The following FAM222B variants were observed in gnomAD, a reference collection of about 807,000 sequenced individuals.
FAM222B encodes protein FAM222B.
In FAM222B, 12 loss-of-function variants were observed where a neutral mutation model predicts 38.0. The observed-to-expected ratio is 0.32, with a 90% CI of 0.20 to 0.51. The LOEUF is 0.51. FAM222B is among the 20% of genes least tolerant of loss of function. FAM222B has a pLI of 0.97. For synonymous variants in FAM222B, 329 were observed against 317.2 expected, an observed-to-expected ratio of 1.04 and a Z score of -0.40; for missense variants, 716 against 754.2, an observed-to-expected ratio of 0.95 and a Z score of 0.59.
At chr17:28,834,794 T>C (rs528306929) in intron 1 of FAM222B, 1 of 151,876 alleles carries the variant, frequency 6.6e-6, no homozygotes, top group East Asian at 1.9e-4. Context: ...TGCTTCTTCA[T>C]TCCCACTGCT....
chr17:28,757,319 G>A lies in FAM222B; in HGVS notation c.*951C>T, dbSNP rs1034748097. On this transcript the variant is annotated 3_prime_UTR_variant, in exon 3 of 3. Transcript: ENST00000581407. ...CACTACATTCATACAGAAACGTAAC[G>A]TTTAAAACTTACAGTGTAGAGCAAT... The A allele has an allele frequency of 9.9e-5, 15 of 152,278 alleles. No individual in the cohort carries two copies. The highest frequency in any genetic ancestry group is 4.4e-5 in the Non-Finnish European group (3 of 68,012). 9.4% of individuals were successfully genotyped at this position (152,278 alleles called of 1,614,324 possible).
chr17:28,830,384 T>G (rs1221331460), intron 1 of FAM222B, among the ~76,000 whole-genome samples: 1 of 151,604 alleles, frequency 6.6e-6, no homozygotes, highest in Non-Finnish European at 1.5e-5. Flanking sequence ...ATGGTCTTGA[T>G]CTCCCAACCT....
intron 1 of FAM222B, among the ~76,000 whole-genome samples, chr17:28,850,902 C>G (rs1168906628): frequency 6.6e-6 from 1 of 151,968 alleles, no homozygotes; most frequent in East Asian, 1.9e-4. Context: ...GGGCAAATCA[C>G]AAGGTTAGGA....
chr17:28,786,388 C>A (rs972505316), intron 1 of FAM222B, among the ~76,000 whole-genome samples: 2 of 152,058 alleles, frequency 1.3e-5, no homozygotes, highest in Non-Finnish European at 2.9e-5. Flanking sequence ...ACTTTTATTC[C>A]CCCAGGGGAG....
At position 28,766,579 on chromosome 17, in the gene FAM222B, T is replaced by G. The variant is rs751365896; in HGVS notation, c.82+7A>C. 3.8e-6 allele frequency: 6 copies of G among 1,588,756 alleles called. No individual in the cohort carries two copies. The highest frequency in any genetic ancestry group is 1.1e-5 in the South Asian group (1 of 87,104). ...CACACATGCTCCATAGGATCCAGAT[T>G]ACTTACATTTCTGAAGTCCAGTGTT... On this transcript the variant is annotated splice_region_variant and intron_variant, in intron 2 of 2. Transcript: ENST00000581407.
At chr17:28,765,271 T>A (rs921073193) in intron 2 of FAM222B, among the ~76,000 whole-genome samples, 1 of 152,226 alleles carries the variant, frequency 6.6e-6, no homozygotes, top group African/African-American at 2.4e-5. Flanking sequence ...TGGCAGGGGC[T>A]GGCAAACGAC....
chr17:28,845,712 G>A (rs1290584057), upstream of FAM222B, among the ~76,000 whole-genome samples: 4 of 151,436 alleles, frequency 2.6e-5, no homozygotes, highest in African/African-American at 2.4e-5. Context: ...TGGCTAACAC[G>A]GTGAAACCCC....
chr17:28,832,818 T>C (rs984195394), intron 1 of FAM222B, among the ~76,000 whole-genome samples: 3 of 151,898 alleles, frequency 2.0e-5, no homozygotes, highest in African/African-American at 7.3e-5. Flanking sequence ...AAATAGGATG[T>C]CCTACCTTGC....
At chr17:28,780,185 T>C (rs907180868) in intron 1 of FAM222B, among the ~76,000 whole-genome samples, 9 of 152,044 alleles carry the variant, frequency 5.9e-5, no homozygotes, top group African/African-American at 1.9e-4. Context: ...CTGGCCAGGA[T>C]GGTCTCGATC....
At chr17:28,770,239 C>A (rs1334174692) in intron 1 of FAM222B, among the ~76,000 whole-genome samples, 1 of 152,182 alleles carries the variant, frequency 6.6e-6, no homozygotes, top group Non-Finnish European at 1.5e-5. Flanking sequence ...CTAACACTTA[C>A]GAGGCTCTCC....
At chr17:28,814,596 A>G in intron 1 of FAM222B, among the ~76,000 whole-genome samples, 1 of 152,002 alleles carries the variant, frequency 6.6e-6, no homozygotes, top group East Asian at 1.9e-4. Context: ...CCTCCCAAGT[A>G]GCTGAAATTA....
Position 28,759,615 on chromosome 17 carries a change from T to C in FAM222B, c.344A>G (p.Asp115Gly), listed in dbSNP as rs1368946412. The change falls in exon 3 of 3, where the codon GAC (aspartate) becomes GGC (glycine). Residue 115 changes from aspartate (D) to glycine (G), a missense_variant. By Grantham distance (94) the Asp-to-Gly change is moderately conservative. Transcript: ENST00000581407. This position sits in a 1 kb window ranked among gnomAD's most constrained non-coding sequence, Gnocchi z 4.8. ...CAACCGGGCTCGGGTGCCGTCAAAG[T>C]CCTTGAGTATGCTTTTGGCTGGCAC... ...VKVPAKSILKDFDGTRARLLP... is the reference protein window; with the variant it reads ...VKVPAKSILKGFDGTRARLLP... The C allele has an allele frequency of 1.1e-5, 18 of 1,612,794 alleles. No homozygotes were observed. In the Admixed American group the frequency reaches 3.0e-4, roughly 27 times the overall value.
chr17:28,839,242 A>C (rs2038953925), intron 1 of FAM222B, among the ~76,000 whole-genome samples: 1 of 152,062 alleles, frequency 6.6e-6, no homozygotes, highest in Non-Finnish European at 1.5e-5. Context: ...AAGCCAATAA[A>C]TATTTATTTT....
At chr17:28,833,568 G>A (rs1172587988) in intron 1 of FAM222B, among the ~76,000 whole-genome samples, 5 of 144,500 alleles carry the variant, frequency 3.5e-5, no homozygotes, top group East Asian at 2.0e-4. Flanking sequence ...AGCTGAGATC[G>A]TGCCACTGTA....
chr17:28,824,603 A>G (rs868382032), intron 1 of FAM222B, among the ~76,000 whole-genome samples: 25 of 152,106 alleles, frequency 1.6e-4, no homozygotes, highest in African/African-American at 6.0e-4. Flanking sequence ...TTATTACCTC[A>G]CTTCCAAAGG....
chr17:28,851,743 C>T (rs9892942), intron 1 of FAM222B, among the ~76,000 whole-genome samples: 38,317 of 151,328 alleles, frequency 0.25, 5,457 homozygotes, highest in African/African-American at 0.36. Context: ...AGTGTGGTGG[C>T]GGGCACCTGT....
rs112681840 is a variant in FAM222B at position 28,826,351 on chromosome 17, T to C, written c.-41+16331A>G. ...TCCTAAAGTGCTGGGTTTACAGGCA[T>C]AAGCCACCCACGCCCGGCCATTAAC... On this transcript the variant is annotated intron_variant, in intron 1 of 2. Coordinates refer to ENST00000581407, the MANE Select transcript of FAM222B (RefSeq NM_001077498.3). Among the ~76,000 whole-genome samples, 525 of 151,416 alleles carry C rather than the reference T, an allele frequency of 3.5e-3. 4 individuals carry two copies. Among genetic ancestry groups the C allele is most frequent in the African/African-American group, 0.011 (475 of 41,348 alleles).
chr17:28,798,400 A>G (rs2037044322), intron 1 of FAM222B, among the ~76,000 whole-genome samples: 1 of 152,092 alleles, frequency 6.6e-6, no homozygotes, highest in Non-Finnish European at 1.5e-5. Flanking sequence ...ATAATAACAA[A>G]TTAAATAAAT....
intron 1 of FAM222B, among the ~76,000 whole-genome samples, chr17:28,781,331 C>A (rs1016431881): frequency 6.6e-6 from 1 of 151,844 alleles, no homozygotes; most frequent in Non-Finnish European, 1.5e-5. Flanking sequence ...AACAAAAATA[C>A]CCCACATCAA....
Sources: allele counts gnomAD v4.1 joint callset (sites outside exome capture counted in the v4.1 genomes callset), GRCh38; gene constraint gnomAD v4.1.1; non-coding constraint Gnocchi (gnomAD v3.1); transcripts MANE v1.5; gene names NCBI Gene and HGNC (gene_info 2026-07-23, HGNC 2026-07-21).